DSCAM: variants seen among roughly 807,000 people sequenced by gnomAD.
The protein encoded by DSCAM is DS cell adhesion molecule.
Under a neutral mutation model 217.7 loss-of-function variants are expected in DSCAM, and 47 were observed. The ratio of observed to expected loss-of-function variants is 0.22; its 90% CI spans 0.17 to 0.28. The LOEUF (loss-of-function observed/expected upper bound fraction) is 0.28. Among genes scored for constraint, DSCAM ranks in the 10% least tolerant of loss-of-function variants. The probability of loss-of-function intolerance (pLI) is 1.00; values close to 1 mark genes in which losing one functional copy is unlikely to be tolerated. For missense variants in DSCAM, 2,080 were observed against 2,618.3 expected (o/e 0.79, Z 4.49); for synonymous variants, 1,056 against 1,015.3 (o/e 1.04, Z -0.76).
At chr21:40,253,148 A>G (rs1331965941) in intron 11 of DSCAM, among the ~76,000 whole-genome samples, 2 of 152,184 alleles carry the variant, frequency 1.3e-5, no homozygotes, top group Admixed American at 6.5e-5. Context: ...TGGACACTAC[A>G]GAAACTATCT....
chr21:40,392,408 T>C (rs1264361773), intron 3 of DSCAM, among the ~76,000 whole-genome samples: 2 of 152,352 alleles, frequency 1.3e-5, no homozygotes, highest in East Asian at 1.9e-4. Flanking sequence ...TAAAATGATA[T>C]GTATTTTTTA....
At chr21:40,109,560 G>A (rs1169943281) in intron 20 of DSCAM, among the ~76,000 whole-genome samples, 1 of 152,212 alleles carries the variant, frequency 6.6e-6, no homozygotes, top group Admixed American at 6.5e-5. Flanking sequence ...GGGAGTGTCG[G>A]ACAGTGGACG....
chr21:40,266,777 CATATAT>C (rs10684678), intron 11 of DSCAM, among the ~76,000 whole-genome samples: 5 of 109,098 alleles, frequency 4.6e-5, no homozygotes, highest in African/African-American at 1.5e-4. Context: ...TTTTCACATG[CATATAT>C]ATATATATAT....
At chr21:40,286,385 C>G (rs1342991051) in intron 10 of DSCAM, among the ~76,000 whole-genome samples, 1 of 152,084 alleles carries the variant, frequency 6.6e-6, no homozygotes, top group African/African-American at 2.4e-5. Flanking sequence ...GACACTGAAC[C>G]TGGGGGCACT....
At chr21:40,333,287 C>T (rs568831300) in intron 8 of DSCAM, among the ~76,000 whole-genome samples, 11 of 152,232 alleles carry the variant, frequency 7.2e-5, no homozygotes, top group African/African-American at 2.6e-4. Flanking sequence ...TTTTAAAAAG[C>T]CTTGATAAAC....
In DSCAM at chr21:40,052,040, C is replaced by T. The variant is rs371247303; in HGVS notation, c.5103G>A (p.Thr1701=). 7.1e-5 allele frequency: 114 copies of T among 1,614,152 alleles called. 1 individual carries two copies. Among genetic ancestry groups the T allele is most frequent in the South Asian group, 6.7e-4 (61 of 91,086 alleles). The part of the protein sequence containing the change: ...FGEAAKQKSL[T]VTHTVHYQSV... ...ATTGGTAATGGACCGTGTGAGTGAC[C>T]GTCAGGGACTTCTGCTTAGCTGCCT... Residue 1701 remains threonine (T), a synonymous_variant, in exon 30 of 33, where the codon ACG becomes ACA. Transcript: ENST00000400454.
At chr21:40,475,796 A>G (rs1307565229) in intron 3 of DSCAM, among the ~76,000 whole-genome samples, 4 of 152,048 alleles carry the variant, frequency 2.6e-5, no homozygotes, top group Non-Finnish European at 5.9e-5. Context: ...GTGCCGTCGC[A>G]CTCCAGCCTG....
chr21:40,116,295 C>T (rs779744268), intron 20 of DSCAM, among the ~76,000 whole-genome samples: 10 of 152,200 alleles, frequency 6.6e-5, no homozygotes, highest in East Asian at 3.9e-4. Context: ...GAAATCTGCA[C>T]GTTACCCCTG....
At chr21:40,356,388 GATAT>G (rs60717299) in intron 4 of DSCAM, among the ~76,000 whole-genome samples, 20 of 147,344 alleles carry the variant, frequency 1.4e-4, no homozygotes, top group African/African-American at 2.5e-4. Context: ...GCTTGATAGT[GATAT>G]ATATATATAT....
At chr21:40,821,126 A>G (rs930473619) in intron 1 of DSCAM, among the ~76,000 whole-genome samples, 1 of 64,242 alleles carries the variant, frequency 1.6e-5, no homozygotes, top group African/African-American at 6.0e-5. Flanking sequence ...ATATAGATAT[A>G]TATATCTTCA....
intron 1 of DSCAM, among the ~76,000 whole-genome samples, chr21:40,780,359 C>A (rs1488693297): frequency 6.9e-6 from 1 of 145,706 alleles, no homozygotes; most frequent in East Asian, 2.1e-4. Context: ...TTTTACTTAC[C>A]ATTTATAATT....
intron 1 of DSCAM, among the ~76,000 whole-genome samples, chr21:40,809,784 A>G (rs2123536809): frequency 6.6e-6 from 1 of 152,330 alleles, no homozygotes; most frequent in South Asian, 2.1e-4. Flanking sequence ...TTCCCAGGAC[A>G]TCAAAAAGAT....
intron 1 of DSCAM, among the ~76,000 whole-genome samples, chr21:40,738,993 G>T (rs546595090): frequency 1.3e-5 from 2 of 152,312 alleles, no homozygotes; most frequent in African/African-American, 4.8e-5. Context: ...CATGAGTTCT[G>T]GTGGGGAGTG....
At chr21:40,121,803 C>T (rs151094341) in intron 20 of DSCAM, among the ~76,000 whole-genome samples, 1 of 149,814 alleles carries the variant, frequency 6.7e-6, no homozygotes, top group African/African-American at 2.4e-5. Flanking sequence ...GTTTCTCCTG[C>T]CTCAGCTCCT....
At chr21:40,800,552 A>C (rs1028164561) in intron 1 of DSCAM, among the ~76,000 whole-genome samples, 5 of 152,150 alleles carry the variant, frequency 3.3e-5, no homozygotes, top group Non-Finnish European at 7.3e-5. Context: ...AGAACTGAAA[A>C]ACAAGGTATT....
At chr21:40,542,018 A>T (rs1250902558) in intron 3 of DSCAM, among the ~76,000 whole-genome samples, 1 of 152,218 alleles carries the variant, frequency 6.6e-6, no homozygotes, top group Non-Finnish European at 1.5e-5. Context: ...CAAAATACAC[A>T]AAAGAGCATG....
chr21:40,679,930 C>T (rs2090381462), intron 3 of DSCAM, among the ~76,000 whole-genome samples: 1 of 152,228 alleles, frequency 6.6e-6, no homozygotes, highest in East Asian at 1.9e-4. Context: ...ACACAAACAA[C>T]GGCCTATTTG....
chr21:40,787,925 A>C (rs932522423), intron 1 of DSCAM, among the ~76,000 whole-genome samples: 2 of 152,210 alleles, frequency 1.3e-5, no homozygotes, highest in Non-Finnish European at 2.9e-5. Context: ...AAGTAGTAAA[A>C]GAGACCACAG....
rs73227005 is a variant in DSCAM at position 40,278,068 on chromosome 21, T to C, written c.2183-1798A>G. On this transcript the variant is annotated intron_variant, in intron 10 of 32. Coordinates refer to ENST00000400454, the MANE Select transcript of DSCAM (RefSeq NM_001389.5). ...CAACATCAATATACAAAAATCAATG[T>C]CAATTTTATTTATGTATAATAGTAA... is the stretch of plus-strand genomic sequence containing the variant. Among the ~76,000 whole-genome samples, 549 of 152,160 alleles carry C rather than the reference T, an allele frequency of 3.6e-3. 3 individuals are homozygous for C. Among genetic ancestry groups the C allele is most frequent in the Non-Finnish European group, 3.7e-3 (255 of 68,014 alleles).
Sources: allele counts gnomAD v4.1 joint callset (sites outside exome capture counted in the v4.1 genomes callset), GRCh38; gene constraint gnomAD v4.1.1; transcripts MANE v1.5; gene names NCBI Gene and HGNC (gene_info 2026-07-23, HGNC 2026-07-21).